CTNND2: variants seen among roughly 807,000 people sequenced by gnomAD.
The protein encoded by CTNND2 is catenin delta 2, also known as catenin delta-2.
Under a neutral mutation model 144.4 loss-of-function variants are expected in CTNND2, and 22 were observed. That is an observed-to-expected ratio of 0.15 (90% CI 0.11 to 0.22). The LOEUF (loss-of-function observed/expected upper bound fraction) is 0.22. Ranked by LOEUF, CTNND2 falls within the 10% of genes least tolerant of loss-of-function variation. CTNND2 has a pLI of 1.00. For synonymous variants in CTNND2, 751 were observed against 695.6 expected, an observed-to-expected ratio of 1.08 and a Z score of -1.25; for missense variants, 1,353 against 1,618.8, an observed-to-expected ratio of 0.84 and a Z score of 2.82.
At chr5:11,115,908 T>C (rs1429624270) in intron 13 of CTNND2, among the ~76,000 whole-genome samples, 2 of 148,364 alleles carry the variant, frequency 1.3e-5, no homozygotes, top group African/African-American at 5.0e-5. Context: ...TATGCTAACT[T>C]ATACACACAG....
Position 11,385,173 on chromosome 5 carries a change from C to T in CTNND2, c.669G>A (p.Pro223=). The T allele has an allele frequency of 9.7e-7, 1 of 1,031,686 alleles. No homozygotes were observed. Among genetic ancestry groups the T allele is most frequent in the Non-Finnish European group, 1.2e-6 (1 of 862,510 alleles). 63.9% of individuals were successfully genotyped at this position (1,031,686 alleles called of 1,614,324 possible). ...GCGCGAACGGCTCCCGCGGCGGCGG[C>T]GGCGGCGGCGGCGCGGGCTCGGGCC... The part of the protein sequence containing the change: ...LAGPEPAPPP[P]PPPREPFAPS... The change falls in exon 7 of 22, where the codon CCG becomes CCA. Residue 223 remains proline, a synonymous_variant. Coordinates refer to ENST00000304623, the MANE Select transcript of CTNND2 (RefSeq NM_001332.4).
chr5:11,379,332 T>C (rs997996683), intron 7 of CTNND2, among the ~76,000 whole-genome samples: 2 of 152,210 alleles, frequency 1.3e-5, no homozygotes, highest in African/African-American at 2.4e-5. Flanking sequence ...ATATACTACC[T>C]CTAACTATGC....
chr5:10,979,192 C>A (rs756107209), intron 21 of CTNND2, among the ~76,000 whole-genome samples: 12 of 152,196 alleles, frequency 7.9e-5, no homozygotes, highest in Non-Finnish European at 1.8e-4. Context: ...TACTGTACAT[C>A]CAGAATTTCA....
At chr5:11,644,634 A>C (rs1782253211) in intron 2 of CTNND2, among the ~76,000 whole-genome samples, 1 of 151,236 alleles carries the variant, frequency 6.6e-6, no homozygotes, top group African/African-American at 2.4e-5. Flanking sequence ...AGATCACGCC[A>C]CTGCACTCTG....
chr5:11,321,962 C>T (rs1338369696), intron 9 of CTNND2, among the ~76,000 whole-genome samples: 2 of 152,124 alleles, frequency 1.3e-5, no homozygotes, highest in Non-Finnish European at 2.9e-5. Context: ...CAGGTCCAAG[C>T]CCCCAGAAAA....
intron 10 of CTNND2, among the ~76,000 whole-genome samples, chr5:11,224,237 G>A (rs539739672): frequency 7.2e-5 from 11 of 152,036 alleles, no homozygotes; most frequent in Non-Finnish European, 1.5e-4. Flanking sequence ...CAAAGCACTG[G>A]CCCAATAATT....
intron 10 of CTNND2, among the ~76,000 whole-genome samples, chr5:11,210,725 A>T (rs1738544763): frequency 6.6e-6 from 1 of 152,212 alleles, no homozygotes; most frequent in African/African-American, 2.4e-5. Context: ...AATCATTAAA[A>T]CATCTAAGAA....
intron 2 of CTNND2, among the ~76,000 whole-genome samples, chr5:11,636,130 A>C (rs1480728218): frequency 6.7e-6 from 1 of 149,372 alleles, no homozygotes; most frequent in Non-Finnish European, 1.5e-5. Context: ...AATAAGCACC[A>C]TAAACAATCC....
chr5:11,649,890 A>G (rs766525678), intron 2 of CTNND2, among the ~76,000 whole-genome samples: 3 of 152,140 alleles, frequency 2.0e-5, no homozygotes, highest in Non-Finnish European at 4.4e-5. Flanking sequence ...TATTATTTTT[A>G]TAATTATTAT....
At chr5:11,448,120 T>C (rs1317905103) in intron 3 of CTNND2, among the ~76,000 whole-genome samples, 1 of 152,150 alleles carries the variant, frequency 6.6e-6, no homozygotes, top group East Asian at 1.9e-4. Flanking sequence ...TTTGTGGTTT[T>C]TCCCCAACTG....
chr5:11,276,227 T>C (rs981738074), intron 9 of CTNND2, among the ~76,000 whole-genome samples: 1 of 152,120 alleles, frequency 6.6e-6, no homozygotes, highest in Non-Finnish European at 1.5e-5. Flanking sequence ...CTTAGTAAGC[T>C]CAGGATATAC....
intron 3 of CTNND2, among the ~76,000 whole-genome samples, chr5:11,520,509 C>T (rs921239370): frequency 2.0e-5 from 3 of 152,216 alleles, no homozygotes; most frequent in South Asian, 2.1e-4. Flanking sequence ...AAAGTGACTG[C>T]GTTCTCAGTA....
intron 3 of CTNND2, among the ~76,000 whole-genome samples, chr5:11,545,314 T>A (rs938836539): frequency 6.6e-6 from 1 of 151,704 alleles, no homozygotes; most frequent in African/African-American, 2.4e-5. Context: ...AGTGAGACTC[T>A]ATCTCAATCA....
chr5:11,899,828 T>G (rs915432259), intron 1 of CTNND2, among the ~76,000 whole-genome samples: 3 of 152,210 alleles, frequency 2.0e-5, no homozygotes, highest in African/African-American at 7.2e-5. Flanking sequence ...TGGTGAGGGA[T>G]ACACAGCTAA....
intron 3 of CTNND2, among the ~76,000 whole-genome samples, chr5:11,442,788 T>A (rs1764375796): frequency 6.8e-6 from 1 of 147,296 alleles, no homozygotes; most frequent in Non-Finnish European, 1.5e-5. Context: ...ATTATATATA[T>A]AATTATATAT....
intron 5 of CTNND2, among the ~76,000 whole-genome samples, chr5:11,405,490 G>A (rs1030905000): frequency 1.3e-5 from 2 of 151,758 alleles, no homozygotes; most frequent in African/African-American, 4.8e-5. Context: ...GCTGAGGCAG[G>A]AGAATCACTT....
At chr5:11,070,991 G>C (rs1002720162) in intron 16 of CTNND2, among the ~76,000 whole-genome samples, 2 of 151,520 alleles carry the variant, frequency 1.3e-5, no homozygotes, top group Admixed American at 1.3e-4. Flanking sequence ...GAAGGGAGGA[G>C]AGGAGAGGGG....
intron 9 of CTNND2, among the ~76,000 whole-genome samples, chr5:11,297,387 C>T (rs770069734): frequency 9.9e-5 from 15 of 152,156 alleles, no homozygotes; most frequent in Non-Finnish European, 1.6e-4. Context: ...TCTAACAAAA[C>T]GTATTACCAC....
intron 7 of CTNND2, among the ~76,000 whole-genome samples, chr5:11,371,678 G>A (rs1233847549): frequency 6.6e-6 from 1 of 152,092 alleles, no homozygotes; most frequent in Non-Finnish European, 1.5e-5. Flanking sequence ...TATGTATTCT[G>A]AATCAAGCCT....
Sources: allele counts gnomAD v4.1 joint callset (sites outside exome capture counted in the v4.1 genomes callset), GRCh38; gene constraint gnomAD v4.1.1; transcripts MANE v1.5; gene names NCBI Gene and HGNC (gene_info 2026-07-23, HGNC 2026-07-21).